DPY19L2: variants seen among roughly 807,000 people sequenced by gnomAD.
DPY19L2 encodes probable C-mannosyltransferase DPY19L2.
In DPY19L2, 34 loss-of-function variants were observed where a neutral mutation model predicts 97.9. The observed-to-expected ratio is 0.35, with a 90% CI of 0.26 to 0.46. The LOEUF (loss-of-function observed/expected upper bound fraction) is 0.46. Ranked by LOEUF, DPY19L2 falls within the 20% of genes least tolerant of loss-of-function variation. The pLI, the probability that DPY19L2 is intolerant of heterozygous loss-of-function variation, is 1.00. For missense variants in DPY19L2, 623 were observed against 911.4 expected (o/e 0.68, Z 4.07); for synonymous variants, 230 against 307.9 (o/e 0.75, Z 2.65).
At chr12:63,650,192 G>A (rs1003037803) in intron 4 of DPY19L2, among the ~76,000 whole-genome samples, 1 of 152,076 alleles carries the variant, frequency 6.6e-6, no homozygotes, top group Non-Finnish European at 1.5e-5. Context: ...AGCCATCTAT[G>A]AAAAACCCAT....
chr12:63,611,955 G>A (rs1448108400), intron 11 of DPY19L2, among the ~76,000 whole-genome samples: 1 of 151,900 alleles, frequency 6.6e-6, no homozygotes, highest in Admixed American at 6.6e-5. Context: ...CATAAAGAAA[G>A]CTATAGTAAG....
chr12:63,584,686 G>C lies in DPY19L2; in HGVS notation c.1581-850C>G, dbSNP rs139717873. ...TCAGATGGACTCTGGTGGTATCTCA[G>C]TGCTTGTTTTGAAGTAACCCTTTTC... On this transcript the variant is annotated intron_variant, in intron 16 of 21. Transcript: ENST00000324472. Among the ~76,000 whole-genome samples the C allele has an allele frequency of 2.9e-3, 434 of 152,216 alleles. 18 individuals are homozygous for C. The East Asian group carries it at 0.075, about 26-fold the overall frequency.
At chr12:63,587,571 T>TTATTATTAG (rs1882016124) in intron 16 of DPY19L2, among the ~76,000 whole-genome samples, 1 of 145,900 alleles carries the variant, frequency 6.9e-6, no homozygotes, top group African/African-American at 2.5e-5. Context: ...ATTATTATTA[T>TTATTATTAG]TATTATTATT....
intron 6 of DPY19L2, among the ~76,000 whole-genome samples, chr12:63,639,744 C>T (rs1393448041): frequency 6.6e-6 from 1 of 152,152 alleles, no homozygotes; most frequent in Non-Finnish European, 1.5e-5. Flanking sequence ...CACTTTTACA[C>T]TGTTGGTGGG....
Position 63,668,197 on chromosome 12 carries a change from T to C in DPY19L2, c.197A>G (p.Lys66Arg). Residue 66 changes from lysine (K) to arginine (R), a missense_variant, in exon 1 of 22, where the codon AAA becomes AGA. Lys to Arg is a conservative substitution (Grantham distance 26, BLOSUM62 2). Around this residue, in one of 6 missense-constraint regions of DPY19L2, gnomAD observed 144 missense variants for 119.4 expected, o/e 1.21. Transcript: ENST00000324472. The stretch of plus-strand genomic sequence containing the variant: ...GGCCACCACCTCTAGCTCCAAGCCT[T>C]TTCGCTCTTTCAGACTTTGGATCCT... ...PGRIQSLKER[K>R]GLELEVVAKT... The C allele has an allele frequency of 6.2e-7, 1 of 1,613,790 alleles. No homozygotes were observed.
intron 6 of DPY19L2, among the ~76,000 whole-genome samples, chr12:63,633,267 G>C (rs1396563950): frequency 6.6e-6 from 1 of 152,128 alleles, no homozygotes; most frequent in Non-Finnish European, 1.5e-5. Context: ...TACCATCAGA[G>C]TGAATAGGCA....
intron 12 of DPY19L2, among the ~76,000 whole-genome samples, chr12:63,607,079 C>A (rs192547155): frequency 6.6e-6 from 1 of 152,236 alleles, no homozygotes; most frequent in African/African-American, 2.4e-5. Flanking sequence ...GGTTAAATCT[C>A]AACTTTTCCT....
intron 19 of DPY19L2, among the ~76,000 whole-genome samples, chr12:63,571,970 G>C (rs1442995473): frequency 1.1e-4 from 17 of 152,170 alleles, no homozygotes; most frequent in Admixed American, 1.1e-3. Context: ...GGTGGAGCAT[G>C]ATGACCAAGT....
In DPY19L2 at chr12:63,600,848, C is replaced by T. The variant is rs1415003357; in HGVS notation, c.1279-462G>A. 6.1e-5 allele frequency among the ~76,000 whole-genome samples: 9 copies of T among 147,822 alleles called. No homozygotes were observed. In the East Asian group the frequency reaches 1.9e-3, roughly 31 times the overall value. On this transcript the variant is annotated intron_variant, in intron 12 of 21. Transcript: ENST00000324472. ...TCCCCCAGGCCGGAGTGCAGTGGCG[C>T]GATCTCTGCTCACTGCAAGCTCCGC...
chr12:63,657,617 T>TC (rs1317645905), intron 4 of DPY19L2, among the ~76,000 whole-genome samples: 1 of 152,116 alleles, frequency 6.6e-6, no homozygotes, highest in East Asian at 1.9e-4. Flanking sequence ...ACCAGTGTCC[T>TC]CAGACAATGG....
intron 6 of DPY19L2, among the ~76,000 whole-genome samples, chr12:63,635,584 G>T (rs1891517216): frequency 6.6e-6 from 1 of 152,092 alleles, no homozygotes; most frequent in Non-Finnish European, 1.5e-5. Context: ...GTGTAGAGAA[G>T]ACCTTAAATG....
chr12:63,624,272 T>G (rs1379637293), intron 7 of DPY19L2, 141 bp from the exon 8 acceptor site: 2 of 654,318 alleles, frequency 3.1e-6, no homozygotes, highest in Non-Finnish European at 5.4e-6. Flanking sequence ...CTTCTCAGTT[T>G]TTGAAGCTCT....
chr12:63,579,501 G>T (rs1383671885), intron 19 of DPY19L2, among the ~76,000 whole-genome samples: 3 of 152,208 alleles, frequency 2.0e-5, no homozygotes, highest in African/African-American at 7.2e-5. Context: ...TGAGACAGGG[G>T]TTTGTGGCAG....
chr12:63,640,940 T>A (rs61936116), intron 6 of DPY19L2, among the ~76,000 whole-genome samples: 15,888 of 152,174 alleles, frequency 0.1, 1,079 homozygotes, highest in East Asian at 0.28. Context: ...TCGCCCAGGC[T>A]GGAGTGCAGT....
intron 6 of DPY19L2, among the ~76,000 whole-genome samples, chr12:63,629,796 C>G (rs1375339349): frequency 1.3e-5 from 2 of 152,088 alleles, no homozygotes; most frequent in African/African-American, 4.8e-5. Context: ...GCAGGAAAAA[C>G]TGTTAAGGGC....
chr12:63,665,363 C>T (rs1272806138), intron 2 of DPY19L2, among the ~76,000 whole-genome samples: 1 of 151,726 alleles, frequency 6.6e-6, no homozygotes, highest in Non-Finnish European at 1.5e-5. Context: ...ATCCCAGCTA[C>T]TTGGAAGGCT....
intron 6 of DPY19L2, among the ~76,000 whole-genome samples, chr12:63,635,631 G>A (rs920215788): frequency 5.3e-5 from 8 of 152,128 alleles, no homozygotes; most frequent in African/African-American, 1.9e-4. Context: ...TGAGAACTAT[G>A]TGACGCATGC....
chr12:63,661,092 T>A (rs911153964), intron 4 of DPY19L2: 2 of 242,778 alleles, frequency 8.2e-6, no homozygotes, highest in African/African-American at 4.5e-5. Context: ...GACTCTCTTT[T>A]CCATTTGGCT....
chr12:63,625,585 C>A (rs1410298654), intron 7 of DPY19L2, among the ~76,000 whole-genome samples: 1 of 152,092 alleles, frequency 6.6e-6, no homozygotes, highest in Non-Finnish European at 1.5e-5. Context: ...AAATAAGCTT[C>A]TATGAGCTCT....
Sources: gnomAD v4.1 joint callset for allele counts (sites outside exome capture counted in the v4.1 genomes callset) on GRCh38, gnomAD v4.1.1 for gene constraint, gnomAD v4.1.1 regional missense constraint, MANE v1.5 for transcripts, NCBI Gene and HGNC (gene_info 2026-07-23, HGNC 2026-07-21) for gene names.